VWC2L: variants seen among roughly 807,000 people sequenced by gnomAD.
VWC2L encodes the protein von Willebrand factor C domain-containing protein 2-like.
A neutral mutation model predicts 21.6 loss-of-function variants in VWC2L; 10 were observed. The ratio of observed to expected loss-of-function variants is 0.46; its 90% CI spans 0.29 to 0.78. The LOEUF (loss-of-function observed/expected upper bound fraction) is 0.78, where lower values mean the gene tolerates loss of function less well. VWC2L is among the 30% of genes least tolerant of loss of function. The probability of loss-of-function intolerance (pLI) is 0.10; values close to 1 mark genes in which losing one functional copy is unlikely to be tolerated. For missense variants in VWC2L, 209 were observed against 277.1 expected, an observed-to-expected ratio of 0.75 and a Z score of 1.74; for synonymous variants, 96 against 94.3, an observed-to-expected ratio of 1.02 and a Z score of -0.10.
At chr2:214,527,518 C>G (rs1345969010) in intron 3 of VWC2L, among the ~76,000 whole-genome samples, 1 of 152,168 alleles carries the variant, frequency 6.6e-6, no homozygotes, top group Non-Finnish European at 1.5e-5. Flanking sequence ...TCACACCACT[C>G]TCCCCTACCT....
intron 3 of VWC2L, among the ~76,000 whole-genome samples, chr2:214,547,730 C>T (rs1170562689): frequency 1.3e-5 from 2 of 152,114 alleles, no homozygotes; most frequent in African/African-American, 2.4e-5. Flanking sequence ...CATGAAGTGA[C>T]AGATATTCCA....
chr2:214,547,764 C>T (rs991970911), intron 3 of VWC2L, among the ~76,000 whole-genome samples: 2 of 152,174 alleles, frequency 1.3e-5, no homozygotes, highest in African/African-American at 4.8e-5. Flanking sequence ...AGGAAAAGCA[C>T]ATAAGTAACT....
intron 2 of VWC2L, among the ~76,000 whole-genome samples, chr2:214,434,636 G>A (rs1416567466): frequency 2.0e-5 from 3 of 152,004 alleles, no homozygotes; most frequent in Non-Finnish European, 4.4e-5. Context: ...GTGAGATAAA[G>A]ATAAAAACAA....
At chr2:214,413,687 C>T (rs1217570716) in intron 1 of VWC2L, among the ~76,000 whole-genome samples, 1 of 152,064 alleles carries the variant, frequency 6.6e-6, no homozygotes, top group Non-Finnish European at 1.5e-5. Flanking sequence ...TCTCACTAAT[C>T]TCTTGAGTTG....
chr2:214,440,919 G>A (rs1559291565), intron 3 of VWC2L, among the ~76,000 whole-genome samples: 1 of 152,038 alleles, frequency 6.6e-6, no homozygotes, highest in Non-Finnish European at 1.5e-5. Flanking sequence ...GTTTTCACTG[G>A]AATACACAGT....
At chr2:214,521,279 A>ACC (rs879703958) in intron 3 of VWC2L, among the ~76,000 whole-genome samples, 1 of 148,220 alleles carries the variant, frequency 6.7e-6, no homozygotes, top group East Asian at 2.1e-4. Flanking sequence ...AAATAAATAA[A>ACC]ACTACCAAGT....
intron 3 of VWC2L, among the ~76,000 whole-genome samples, chr2:214,469,463 C>T (rs560794275): frequency 7.0e-4 from 107 of 152,170 alleles, no homozygotes; most frequent in African/African-American, 2.4e-3. Context: ...CGTGTGGTGG[C>T]GGGCGCCTGT....
intron 3 of VWC2L, among the ~76,000 whole-genome samples, chr2:214,459,693 G>C (rs1217959883): frequency 6.6e-6 from 1 of 152,106 alleles, no homozygotes; most frequent in Non-Finnish European, 1.5e-5. Context: ...GTCTGGAAAA[G>C]ACTGGTCTTC....
chr2:214,465,366 C>T (rs1286374658), intron 3 of VWC2L, among the ~76,000 whole-genome samples: 2 of 152,186 alleles, frequency 1.3e-5, no homozygotes, highest in African/African-American at 2.4e-5. Context: ...TCTGCCAGGA[C>T]TGGGTCCTTC....
At chr2:214,548,782 A>C (rs1280309843) in intron 3 of VWC2L, among the ~76,000 whole-genome samples, 3 of 152,226 alleles carry the variant, frequency 2.0e-5, no homozygotes. Flanking sequence ...TAGTCAATAC[A>C]CAGTTTGAAG....
At chr2:214,574,572 C>T (rs1690199860) in intron 3 of VWC2L, among the ~76,000 whole-genome samples, 3 of 152,098 alleles carry the variant, frequency 2.0e-5, no homozygotes, top group Non-Finnish European at 2.9e-5. Flanking sequence ...ATATGCATTG[C>T]CATGTTACTT....
rs1229501679 is a variant in VWC2L, at chr2:214,414,422, G to C, written c.229G>C (p.Val77Leu). Residue 77 changes from valine to leucine, a missense_variant, in exon 2 of 4, where the codon GTC (valine) becomes CTC (leucine). Physicochemically the swap from Val to Leu is conservative, Grantham distance 32. Transcript: ENST00000312504. Reference protein sequence around the residue: ...FFPGHSNCPCVCALDGPVCDQ... With the variant: ...FFPGHSNCPCLCALDGPVCDQ... ...CCCTGGGCATTCCAACTGTCCATGT[G>C]TCTGTGCTCTAGATGGACCTGTTTG... is the stretch of plus-strand genomic sequence containing the variant. The C allele has an allele frequency of 6.2e-7, 1 of 1,613,604 alleles. No homozygotes were observed. Among genetic ancestry groups the C allele is most frequent in the African/African-American group, 1.3e-5 (1 of 75,022 alleles).
At chr2:214,480,743 C>T (rs913271106) in intron 3 of VWC2L, among the ~76,000 whole-genome samples, 6 of 151,748 alleles carry the variant, frequency 4.0e-5, no homozygotes, top group African/African-American at 1.5e-4. Context: ...AGGCACACTC[C>T]CTTCCTTAAA....
rs558480232 is a variant in VWC2L, at chr2:214,563,654, A to T, written c.521-12018A>T. 1.8e-4 allele frequency among the ~76,000 whole-genome samples: 27 copies of T among 151,964 alleles called. No individual in the cohort carries two copies. In the East Asian group the frequency reaches 5.0e-3, roughly 28 times the overall value. On this transcript the variant is annotated intron_variant, in intron 3 of 3. Transcript: ENST00000312504. The stretch of plus-strand genomic sequence containing the variant: ...TTCCATTAACATCCCTTCATGTTAA[A>T]AATCTCAATAAACCAGGTATTGAAG...
At chr2:214,472,205 CA>C (rs1703319356) in intron 3 of VWC2L, 1 of 152,116 alleles carries the variant, frequency 6.6e-6, no homozygotes, top group South Asian at 2.1e-4. Flanking sequence ...TGCCCCTAAC[CA>C]GAAGGATGTG....
chr2:214,533,519 A>G (rs1179657113), intron 3 of VWC2L, among the ~76,000 whole-genome samples: 1 of 149,730 alleles, frequency 6.7e-6, no homozygotes, highest in Non-Finnish European at 1.5e-5. Flanking sequence ...TGAAGTGATG[A>G]ACTCCCTTGT....
chr2:214,528,604 T>A (rs1689380567), intron 3 of VWC2L, among the ~76,000 whole-genome samples: 1 of 151,546 alleles, frequency 6.6e-6, no homozygotes, highest in African/African-American at 2.4e-5. Context: ...TTTTTTTTTA[T>A]AGTCTGCTTC....
intron 3 of VWC2L, among the ~76,000 whole-genome samples, chr2:214,538,608 T>C (rs1689577353): frequency 7.4e-6 from 1 of 136,046 alleles, no homozygotes; most frequent in African/African-American, 2.7e-5. Context: ...TGTATATTAA[T>C]TAGTATACAT....
At chr2:214,540,619 T>A (rs4480977) in intron 3 of VWC2L, among the ~76,000 whole-genome samples, 3 of 152,146 alleles carry the variant, frequency 2.0e-5, no homozygotes, top group African/African-American at 4.8e-5. Context: ...TATTCAATGC[T>A]AATGAACAGT....
Sources: gnomAD v4.1 joint callset for allele counts (sites outside exome capture counted in the v4.1 genomes callset) on GRCh38, gnomAD v4.1.1 for gene constraint, MANE v1.5 for transcripts, NCBI Gene and HGNC (gene_info 2026-07-23, HGNC 2026-07-21) for gene names.